Variants in CDH18 observed in about 807,000 individuals in gnomAD.
The protein encoded by CDH18 is cadherin 18, also known as cadherin-18.
A neutral mutation model predicts 67.9 loss-of-function variants in CDH18; 31 were observed. The ratio of observed to expected loss-of-function variants is 0.46; its 90% confidence interval spans 0.34 to 0.62. The LOEUF is 0.62. CDH18 is among the 20% of genes least tolerant of loss of function. The pLI is 0.01. For synonymous variants in CDH18, 362 were observed against 347.2 expected (o/e 1.04, Z -0.48); for missense variants, 890 against 975.5 (o/e 0.91, Z 1.17).
chr5:19,755,444 T>TATATACACAC (rs1561231870), intron 3 of CDH18, among the ~76,000 whole-genome samples: 1 of 18,626 alleles, frequency 5.4e-5, no homozygotes, highest in African/African-American at 6.0e-5. Context: ...TATATATATA[T>TATATACACAC]ATATATATAT....
intron 5 of CDH18, among the ~76,000 whole-genome samples, chr5:19,681,636 A>G (rs1408108730): frequency 1.3e-5 from 2 of 152,000 alleles, no homozygotes; most frequent in Non-Finnish European, 2.9e-5. Context: ...TGTAAGAACC[A>G]AAATGACCCC....
Position 19,953,774 on chromosome 5 carries a change from T to C in CDH18, c.-257+27286A>G, listed in dbSNP as rs145784051. On this transcript the variant is annotated intron_variant, in intron 2 of 12. Coordinates refer to ENST00000382275, the MANE Select transcript of CDH18 (RefSeq NM_004934.5). ...CTTTATGTCATTCTTCCATAGCCTT[T>C]TGCCTTGAATTGGAACACTAAATAA... Among the ~76,000 whole-genome samples the C allele has an allele frequency of 4.6e-5, 7 of 152,198 alleles. No individual in the cohort carries two copies. The East Asian group carries it at 1.4e-3, about 29-fold the overall frequency.
rs1201835916 is a variant in CDH18, at chr5:20,226,872, C to A, written c.-518+28572G>T. ...ACACACACATACACACACCTATTTG[C>A]TCCTTCCTTAATAGCCTCTAAGAGC... On this transcript the variant is annotated intron_variant, in intron 2 of 14. Transcript: ENST00000507958. 3.9e-5 allele frequency among the ~76,000 whole-genome samples: 6 copies of A among 152,020 alleles called. No individual in the cohort carries two copies. The East Asian group carries it at 1.2e-3, about 29-fold the overall frequency.
At chr5:20,253,319 T>G (rs1363179345) in intron 2 of CDH18, among the ~76,000 whole-genome samples, 2 of 152,086 alleles carry the variant, frequency 1.3e-5, no homozygotes, top group African/African-American at 4.8e-5. Context: ...TGAGGAAGAA[T>G]CAGCAGAATA....
intron 2 of CDH18, among the ~76,000 whole-genome samples, chr5:19,960,773 A>G (rs1796800363): frequency 7.2e-6 from 1 of 138,720 alleles, no homozygotes; most frequent in Admixed American, 6.9e-5. Flanking sequence ...ATGTATATAT[A>G]CACGTGTATA....
chr5:20,130,862 T>C (rs1749211241), intron 2 of CDH18, among the ~76,000 whole-genome samples: 1 of 152,054 alleles, frequency 6.6e-6, no homozygotes, highest in Non-Finnish European at 1.5e-5. Context: ...TATATCATTT[T>C]CTTTTTATCA....
At chr5:20,424,760 A>AT (rs1748155074) in intron 1 of CDH18, among the ~76,000 whole-genome samples, 1 of 148,318 alleles carries the variant, frequency 6.7e-6, no homozygotes, top group African/African-American at 2.6e-5. Context: ...AAAAAAAAAA[A>AT]AAAAAAAAAA....
chr5:19,715,510 G>A (rs191832732), intron 5 of CDH18, among the ~76,000 whole-genome samples: 153 of 152,138 alleles, frequency 1.0e-3, no homozygotes, highest in African/African-American at 3.3e-3. Context: ...TGTCAATTCC[G>A]AAGATAAAAG....
rs1244587871 is a variant in CDH18, at chr5:20,396,782, TATG to T, written c.-579-141280_-579-141278del. Among the ~76,000 whole-genome samples the T allele has an allele frequency of 3.3e-5, 5 of 152,326 alleles. No individual in the cohort carries two copies. In the South Asian group the frequency reaches 8.3e-4, roughly 25 times the overall value. ...GTAATTTTTCTTGCTTTCCATTTACTATGATATCACATTATAGATTTATGATTA... is the reference window on the plus strand; with the variant it reads ...GTAATTTTTCTTGCTTTCCATTTACTATATCACATTATAGATTTATGATTA... On this transcript the variant is annotated intron_variant, in intron 1 of 14. Transcript: ENST00000507958.
At chr5:20,352,624 CAAA>C (rs35947411) in intron 1 of CDH18, among the ~76,000 whole-genome samples, 11 of 89,116 alleles carry the variant, frequency 1.2e-4, no homozygotes, top group African/African-American at 3.0e-4. Context: ...ACTAAAAATA[CAAA>C]AAAAAAAAAA....
chr5:20,363,416 C>T (rs1247779790), intron 1 of CDH18, among the ~76,000 whole-genome samples: 1 of 132,474 alleles, frequency 7.5e-6, no homozygotes, highest in Admixed American at 9.6e-5. Flanking sequence ...ACCTGGGAGG[C>T]AGAGGTTGCA....
intron 5 of CDH18, among the ~76,000 whole-genome samples, chr5:19,665,422 T>A (rs1757771087): frequency 6.6e-6 from 1 of 152,072 alleles, no homozygotes; most frequent in African/African-American, 2.4e-5. Flanking sequence ...CAGTGTTAAT[T>A]TTTGTATGTG....
chr5:19,503,508 T>G (rs938850808), intron 10 of CDH18, among the ~76,000 whole-genome samples: 1 of 152,118 alleles, frequency 6.6e-6, no homozygotes, highest in Non-Finnish European at 1.5e-5. Flanking sequence ...TGTATGTTGG[T>G]CTAAGTAGTA....
intron 1 of CDH18, among the ~76,000 whole-genome samples, chr5:20,389,950 A>T (rs1744690220): frequency 6.6e-6 from 1 of 152,198 alleles, no homozygotes; most frequent in Non-Finnish European, 1.5e-5. Context: ...GAAAGCTGAA[A>T]CTGGATCCCT....
chr5:19,585,632 C>A (rs1220145242), intron 7 of CDH18, among the ~76,000 whole-genome samples: 1 of 152,130 alleles, frequency 6.6e-6, no homozygotes, highest in Non-Finnish European at 1.5e-5. Flanking sequence ...TCCTTGATGT[C>A]TTGTCTGTAT....
intron 9 of CDH18, among the ~76,000 whole-genome samples, chr5:19,536,555 TG>T (rs1286851968): frequency 2.6e-5 from 4 of 152,228 alleles, no homozygotes; most frequent in Non-Finnish European, 4.4e-5. Flanking sequence ...TACGTATCTC[TG>T]TGCATATGTT....
Position 19,591,199 on chromosome 5 carries a change from G to T in CDH18, c.857C>A (p.Ala286Asp), listed in dbSNP as rs1391524731. 3 of 1,612,148 alleles carry T rather than the reference G, an allele frequency of 1.9e-6. No homozygotes were observed. The highest frequency in any genetic ancestry group is 2.2e-5 in the South Asian group (2 of 90,888). The change falls in exon 7 of 13, where the codon GCT (alanine) becomes GAT (aspartate). Residue 286 changes from alanine (A) to aspartate (D), a missense_variant. Transcript: ENST00000382275. The stretch of plus-strand genomic sequence containing the variant: ...ATCATTTGCCTTGATTTTCCCAACA[G>T]CTGAACCAACTTGAGCTGACTCAGG... The part of the protein sequence containing the change: ...YVPESAQVGS[A>D]VGKIKANDAD...
At chr5:20,511,940 A>T (rs1022864648) in intron 1 of CDH18, among the ~76,000 whole-genome samples, 2 of 152,176 alleles carry the variant, frequency 1.3e-5, no homozygotes, top group Non-Finnish European at 2.9e-5. Context: ...TATAAATTTA[A>T]AAAACAGGCT....
chr5:20,180,213 C>T (rs1340220887), intron 2 of CDH18, among the ~76,000 whole-genome samples: 2 of 152,160 alleles, frequency 1.3e-5, no homozygotes, highest in East Asian at 1.9e-4. Context: ...GAATGCCACC[C>T]TTGTGGAGAG....
Sources: allele counts gnomAD v4.1 joint callset (sites outside exome capture counted in the v4.1 genomes callset), GRCh38; gene constraint gnomAD v4.1.1; transcripts MANE v1.5; gene names NCBI Gene and HGNC (gene_info 2026-07-23, HGNC 2026-07-21).